Variants in BANK1 observed in about 807,000 individuals in gnomAD.
BANK1 encodes the protein B cell scaffold protein with ankyrin repeats 1.
Under a neutral mutation model 94.5 loss-of-function variants are expected in BANK1, and 95 were observed. The ratio of observed to expected loss-of-function variants is 1.00; its 90% CI spans 0.85 to 1.19. BANK1 has a LOEUF of 1.19. Ranked by LOEUF, BANK1 falls within the 50% of genes most tolerant of loss-of-function variation. The probability of loss-of-function intolerance (pLI) is 0.00; values close to 1 mark genes in which losing one functional copy is unlikely to be tolerated. For synonymous variants in BANK1, 334 were observed against 308.4 expected (o/e 1.08, Z -0.87); for missense variants, 987 against 932.2 (o/e 1.06, Z -0.77).
intron 6 of BANK1, among the ~76,000 whole-genome samples, chr4:101,898,066 T>C (rs2148892087): frequency 6.6e-6 from 1 of 152,058 alleles, no homozygotes; most frequent in East Asian, 1.9e-4. Flanking sequence ...TATTATTGCA[T>C]AACAGATGTC....
chr4:101,878,353 C>A (rs13434472), intron 5 of BANK1, among the ~76,000 whole-genome samples: 70,592 of 151,876 alleles, frequency 0.46, 17,936 homozygotes, highest in African/African-American at 0.68. Flanking sequence ...CTATGAAAAG[C>A]GACAGAAAAG....
chr4:101,989,706 C>A (rs957993746), intron 7 of BANK1, among the ~76,000 whole-genome samples: 1 of 151,910 alleles, frequency 6.6e-6, no homozygotes, highest in African/African-American at 2.4e-5. Flanking sequence ...TATAGACAGC[C>A]TCTCCATTTG....
intron 1 of BANK1, among the ~76,000 whole-genome samples, chr4:101,823,445 A>G (rs1234460840): frequency 6.6e-6 from 1 of 152,186 alleles, no homozygotes; most frequent in East Asian, 1.9e-4. Flanking sequence ...AGACAGTCTT[A>G]CTGGTAAGAT....
At chr4:101,902,595 G>T (rs768381998) in intron 6 of BANK1, among the ~76,000 whole-genome samples, 9 of 152,048 alleles carry the variant, frequency 5.9e-5, no homozygotes, top group Admixed American at 5.9e-4. Flanking sequence ...ATTTACAAAG[G>T]TCTGTGCTGT....
intron 5 of BANK1, among the ~76,000 whole-genome samples, chr4:101,889,114 T>C (rs1448953094): frequency 1.3e-5 from 2 of 152,198 alleles, no homozygotes; most frequent in African/African-American, 4.8e-5. Context: ...TTGTAGGTTA[T>C]ATAGAAAGGG....
chr4:102,002,425 G>C (rs1347013216), intron 7 of BANK1, among the ~76,000 whole-genome samples: 6 of 151,550 alleles, frequency 4.0e-5, no homozygotes, highest in Non-Finnish European at 7.4e-5. Context: ...GAAAAAAAAT[G>C]TGTGAAAAGC....
intron 13 of BANK1, among the ~76,000 whole-genome samples, chr4:102,066,038 G>T (rs919865225): frequency 9.2e-5 from 14 of 152,022 alleles, no homozygotes; most frequent in Admixed American, 2.0e-4. Flanking sequence ...CAAATTTAAT[G>T]CAAACCACTT....
intron 7 of BANK1, among the ~76,000 whole-genome samples, chr4:101,936,050 G>A (rs1250650017): frequency 6.6e-6 from 1 of 151,022 alleles, no homozygotes; most frequent in Non-Finnish European, 1.5e-5. Context: ...AAGCAAAATT[G>A]GACCACACCA....
intron 9 of BANK1, among the ~76,000 whole-genome samples, chr4:102,029,648 A>T (rs1214822856): frequency 6.7e-6 from 1 of 150,358 alleles, no homozygotes; most frequent in Non-Finnish European, 1.5e-5. Context: ...ACAAAATAAT[A>T]TGGAAAGTAT....
rs768126456 is a variant in BANK1, at chr4:102,026,527, G to A, written c.1594+1018G>A. Among the ~76,000 whole-genome samples, 5 of 151,924 alleles carry A rather than the reference G, an allele frequency of 3.3e-5. 1 individual carries two copies. The South Asian group carries it at 6.2e-4, about 19-fold the overall frequency. On this transcript the variant is annotated intron_variant, in intron 9 of 16. Transcript: ENST00000322953. ...CTTGTTTCAAAAAGTAAATTTTTACGCAATGAAATTTAGTATTTGGGCTGG... is the reference window on the plus strand; with the variant it reads ...CTTGTTTCAAAAAGTAAATTTTTACACAATGAAATTTAGTATTTGGGCTGG...
At chr4:102,038,114 C>G (rs913492088) in intron 10 of BANK1, among the ~76,000 whole-genome samples, 1 of 152,144 alleles carries the variant, frequency 6.6e-6, no homozygotes. Flanking sequence ...CAGAATTAAA[C>G]TCTAATGTTT....
intron 13 of BANK1, 70 bp downstream of exon 13, chr4:102,063,208 T>A: frequency 7.3e-7 from 1 of 1,361,562 alleles, no homozygotes; most frequent in South Asian, 1.2e-5. Flanking sequence ...ACTGTGGAGA[T>A]GATTGGGCCT....
intron 7 of BANK1, among the ~76,000 whole-genome samples, chr4:101,919,499 T>G (rs1411454673): frequency 6.6e-6 from 1 of 151,932 alleles, no homozygotes; most frequent in Non-Finnish European, 1.5e-5. Context: ...TTGATGGATG[T>G]GGGATATAAT....
At chr4:101,873,488 A>G (rs1728373478) in intron 5 of BANK1, among the ~76,000 whole-genome samples, 1 of 152,162 alleles carries the variant, frequency 6.6e-6, no homozygotes, top group Admixed American at 6.5e-5. Flanking sequence ...TTGAGTTTGT[A>G]ATAAGAGACC....
intron 7 of BANK1, among the ~76,000 whole-genome samples, chr4:101,930,343 A>G (rs141045674): frequency 5.9e-5 from 9 of 151,546 alleles, no homozygotes; most frequent in African/African-American, 2.2e-4. Flanking sequence ...AAAAGAATAA[A>G]TTCTTTCTAA....
intron 7 of BANK1, among the ~76,000 whole-genome samples, chr4:101,958,177 T>C (rs534714573): frequency 1.3e-5 from 2 of 152,270 alleles, no homozygotes; most frequent in African/African-American, 4.8e-5. Context: ...AATGTTTGTT[T>C]ATACTTAACC....
chr4:101,813,201 T>G (rs896925753), intron 1 of BANK1, among the ~76,000 whole-genome samples: 12 of 152,182 alleles, frequency 7.9e-5, no homozygotes, highest in Non-Finnish European at 1.5e-4. Context: ...AAATAGATGA[T>G]TTGGCCCTCA....
At position 102,054,561 on chromosome 4, in the gene BANK1, C is replaced by T. The variant is rs193158277; in HGVS notation, c.1970-5650C>T. ...CTGAAATGTGGACAAAAGACTGTAG[C>T]GGCAGAAAAACTCCACCTCTATCTT... is the stretch of plus-strand genomic sequence containing the variant. On this transcript the variant is annotated intron_variant, in intron 11 of 16. Transcript: ENST00000322953. Among the ~76,000 whole-genome samples, 323 of 152,068 alleles carry T rather than the reference C, an allele frequency of 2.1e-3. 2 individuals carry two copies. Among genetic ancestry groups the T allele is most frequent in the African/African-American group, 7.6e-3 (314 of 41,516 alleles).
intron 7 of BANK1, among the ~76,000 whole-genome samples, chr4:101,924,709 TC>T (rs1271988569): frequency 9.2e-5 from 14 of 151,800 alleles, no homozygotes; most frequent in African/African-American, 3.4e-4. Flanking sequence ...TCAATTTACA[TC>T]ACCAAAAGAT....
Sources: allele counts gnomAD v4.1 joint callset (sites outside exome capture counted in the v4.1 genomes callset), GRCh38; gene constraint gnomAD v4.1.1; transcripts MANE v1.5; gene names NCBI Gene and HGNC (gene_info 2026-07-23, HGNC 2026-07-21).